Variants in KIF6 observed in about 807,000 individuals in gnomAD.
The protein encoded by KIF6 is kinesin family member 6, also known as kinesin-like protein KIF6.
KIF6 carries 106 observed loss-of-function variants against 112.7 expected under a neutral mutation model. That is an observed-to-expected ratio of 0.94 (90% CI 0.80 to 1.11). The LOEUF (loss-of-function observed/expected upper bound fraction) is 1.11, where lower values mean the gene tolerates loss of function less well. KIF6 is among the 50% of genes least tolerant of loss of function. KIF6 has a pLI of 0.00. For synonymous variants in KIF6, 339 were observed against 339.9 expected, an observed-to-expected ratio of 1.00 and a Z score of 0.03; for missense variants, 929 against 964.0, an observed-to-expected ratio of 0.96 and a Z score of 0.48.
intron 3 of KIF6, among the ~76,000 whole-genome samples, chr6:39,647,603 G>A (rs181177451): frequency 8.6e-5 from 13 of 152,046 alleles, no homozygotes; most frequent in African/African-American, 3.1e-4. Flanking sequence ...ACTAGAGGCC[G>A]TATCCCCTGC....
chr6:39,601,086 G>A (rs151191084), intron 6 of KIF6, among the ~76,000 whole-genome samples: 6 of 152,104 alleles, frequency 3.9e-5, no homozygotes, highest in Non-Finnish European at 7.4e-5. Flanking sequence ...TACCTCAATT[G>A]TTCTGTATAG....
At chr6:39,498,250 C>T (rs1356757679) in intron 13 of KIF6, among the ~76,000 whole-genome samples, 1 of 152,154 alleles carries the variant, frequency 6.6e-6, no homozygotes, top group Admixed American at 6.5e-5. Flanking sequence ...GATGAAAACA[C>T]CAGTCTACGT....
chr6:39,337,219 CTTTCTTTCTT>C (rs1763061342), intron 22 of KIF6, among the ~76,000 whole-genome samples: 1 of 95,464 alleles, frequency 1.0e-5, no homozygotes, highest in African/African-American at 7.9e-5. Context: ...TTCTTTCTTT[CTTTCTTTCTT>C]TCTTTCTTTT....
chr6:39,460,524 TA>T (rs1217110266), intron 13 of KIF6, among the ~76,000 whole-genome samples: 194 of 14,060 alleles, frequency 0.014, 1 homozygote, highest in African/African-American at 0.04. Context: ...TAAAGTATAA[TA>T]AAAAAAAAAG....
intron 13 of KIF6, among the ~76,000 whole-genome samples, chr6:39,507,676 C>T (rs1184213427): frequency 7.2e-6 from 1 of 138,670 alleles, no homozygotes; most frequent in African/African-American, 2.7e-5. Context: ...TCCTTCCTTC[C>T]TTCCTTCCTT....
At chr6:39,513,481 T>C (rs1399209146) in intron 13 of KIF6, among the ~76,000 whole-genome samples, 1 of 152,230 alleles carries the variant, frequency 6.6e-6, no homozygotes, top group African/African-American at 2.4e-5. Flanking sequence ...CTTAGTAGTA[T>C]GGGCACATGG....
At chr6:39,341,682 C>A (rs1280609104) in intron 22 of KIF6, among the ~76,000 whole-genome samples, 1 of 152,208 alleles carries the variant, frequency 6.6e-6, no homozygotes, top group Non-Finnish European at 1.5e-5. Context: ...CCAGAACTCT[C>A]CATCCCTCCA....
intron 13 of KIF6, among the ~76,000 whole-genome samples, chr6:39,460,070 C>T (rs1325791845): frequency 4.7e-5 from 7 of 149,450 alleles, no homozygotes; most frequent in Non-Finnish European, 1.0e-4. Context: ...AAGACACATG[C>T]ACACGTATGT....
At chr6:39,464,458 A>G (rs1182927623) in intron 13 of KIF6, among the ~76,000 whole-genome samples, 1 of 152,204 alleles carries the variant, frequency 6.6e-6, no homozygotes, top group Non-Finnish European at 1.5e-5. Flanking sequence ...AAACCTGTGC[A>G]CTAACTTAAG....
intron 21 of KIF6, among the ~76,000 whole-genome samples, chr6:39,344,999 C>T (rs1763595504): frequency 6.6e-6 from 1 of 152,248 alleles, no homozygotes; most frequent in African/African-American, 2.4e-5. Context: ...CCCCCATCCC[C>T]TTTTCCATCC....
intron 15 of KIF6, among the ~76,000 whole-genome samples, chr6:39,386,661 T>G (rs1316177363): frequency 6.6e-6 from 1 of 151,624 alleles, no homozygotes; most frequent in East Asian, 1.9e-4. Flanking sequence ...ATCTGTTGGG[T>G]TGTTAGAGTG....
intron 3 of KIF6, among the ~76,000 whole-genome samples, chr6:39,705,491 T>C (rs1789149140): frequency 6.6e-6 from 1 of 152,202 alleles, no homozygotes. Context: ...TGACAGGTGC[T>C]AAAGGATCAT....
chr6:39,370,446 C>G (rs1226368295), intron 16 of KIF6, among the ~76,000 whole-genome samples: 2 of 152,178 alleles, frequency 1.3e-5, no homozygotes, highest in Non-Finnish European at 2.9e-5. Context: ...CAAGCTGTCT[C>G]CCTCTTCTTT....
At chr6:39,690,868 T>C (rs1281611944) in intron 3 of KIF6, 5 of 152,148 alleles carry the variant, frequency 3.3e-5, no homozygotes, top group Admixed American at 3.3e-4. Flanking sequence ...CAGAAGAGTG[T>C]CCTCTGCGTA....
chr6:39,540,120 G>T lies in KIF6; in HGVS notation c.1528C>A (p.Pro510Thr), dbSNP rs142407346. ...TCTTCTGGGTTTCCTAGGCGGAAGG[G>T]TGGGCTCTGGGACTGTCTGAATTCA... ...RREFRQSQSP[P>T]FRLGNPEEGQ... The change falls in exon 13 of 23, where the codon CCC (proline) becomes ACC (threonine). Residue 510 changes from proline to threonine, a missense_variant. Physicochemically the swap from Pro to Thr is conservative, Grantham distance 38 (BLOSUM62 -1). Around this residue, in one of 2 missense-constraint regions of KIF6, gnomAD observed 688 missense variants for 662.7 expected, o/e 1.04. Transcript: ENST00000287152. 1 of 1,614,124 alleles carries T rather than the reference G, an allele frequency of 6.2e-7. No homozygotes were observed. Among genetic ancestry groups the T allele is most frequent in the East Asian group, 2.2e-5 (1 of 44,876 alleles).
intron 22 of KIF6, among the ~76,000 whole-genome samples, chr6:39,337,673 C>T (rs1763108374): frequency 6.6e-6 from 1 of 152,018 alleles, no homozygotes; most frequent in South Asian, 2.1e-4. Context: ...GCTTTTTCCT[C>T]CAGATATTAA....
intron 13 of KIF6, among the ~76,000 whole-genome samples, chr6:39,460,996 T>G (rs1773439912): frequency 6.6e-6 from 1 of 152,188 alleles, no homozygotes; most frequent in African/African-American, 2.4e-5. Context: ...TTGGAAAAAT[T>G]ATTAACTTCA....
At chr6:39,439,750 A>G (rs1771795478) in intron 13 of KIF6, among the ~76,000 whole-genome samples, 1 of 152,070 alleles carries the variant, frequency 6.6e-6, no homozygotes, top group Non-Finnish European at 1.5e-5. Flanking sequence ...AACGAATACA[A>G]CTTGGTACTT....
At position 39,461,356 on chromosome 6, in the gene KIF6, G is replaced by C. The variant is rs376338498; in HGVS notation, c.1646-30195C>G. The stretch of plus-strand genomic sequence containing the variant: ...ACAAGTGAGGTGGACCCTATTGGTT[G>C]ACTAACCTACAAATCATGGCCAATT... On this transcript the variant is annotated intron_variant, in intron 13 of 22. Coordinates refer to ENST00000287152, the MANE Select transcript of KIF6 (RefSeq NM_145027.6). Among the ~76,000 whole-genome samples, 4 of 152,216 alleles carry C rather than the reference G, an allele frequency of 2.6e-5. No individual in the cohort carries two copies. In the East Asian group the frequency reaches 7.7e-4, roughly 29 times the overall value.
Sources: gnomAD v4.1 joint callset for allele counts (sites outside exome capture counted in the v4.1 genomes callset) on GRCh38, gnomAD v4.1.1 for gene constraint, gnomAD v4.1.1 regional missense constraint, MANE v1.5 for transcripts, NCBI Gene and HGNC (gene_info 2026-07-23, HGNC 2026-07-21) for gene names.